FNDC3B: variants seen among roughly 807,000 people sequenced by gnomAD.
The protein encoded by FNDC3B is fibronectin type III domain containing 3B, also known as fibronectin type III domain-containing protein 3B.
A neutral mutation model predicts 151.5 loss-of-function variants in FNDC3B; 12 were observed. The ratio of observed to expected loss-of-function variants is 0.08; its 90% CI spans 0.05 to 0.13. FNDC3B has a LOEUF of 0.13. FNDC3B is among the 10% of genes least tolerant of loss of function. FNDC3B has a pLI of 1.00. For synonymous variants in FNDC3B, 528 were observed against 549.0 expected, an observed-to-expected ratio of 0.96 and a Z score of 0.54; for missense variants, 1,214 against 1,505.3, an observed-to-expected ratio of 0.81 and a Z score of 3.20.
chr3:172,327,217 C>T (rs1732400582), intron 11 of FNDC3B, among the ~76,000 whole-genome samples: 1 of 152,198 alleles, frequency 6.6e-6, no homozygotes, highest in Non-Finnish European at 1.5e-5. Context: ...ACTTGCTGCA[C>T]ACCCCCAACT....
chr3:172,182,207 G>T (rs1220880513), intron 3 of FNDC3B, among the ~76,000 whole-genome samples: 1 of 152,198 alleles, frequency 6.6e-6, no homozygotes, highest in Non-Finnish European at 1.5e-5. Context: ...GCAAGTGAAG[G>T]CTGGGCTCAG....
intron 1 of FNDC3B, among the ~76,000 whole-genome samples, chr3:172,104,376 T>C (rs937542802): frequency 6.6e-6 from 1 of 151,530 alleles, no homozygotes. Flanking sequence ...TTTCCAATAC[T>C]CAGTGCTGGA....
chr3:172,349,780 C>T (rs572808650), intron 21 of FNDC3B, among the ~76,000 whole-genome samples: 5 of 152,216 alleles, frequency 3.3e-5, no homozygotes, highest in African/African-American at 7.2e-5. Context: ...CTCAGCCTCC[C>T]GAGTAGCCGG....
chr3:172,389,451 A>G (rs1735891432), intron 25 of FNDC3B, among the ~76,000 whole-genome samples: 1 of 152,252 alleles, frequency 6.6e-6, no homozygotes, highest in Non-Finnish European at 1.5e-5. Context: ...TCACATTTAC[A>G]TATTTATACA....
At chr3:172,116,035 C>T (rs1218895421) in intron 2 of FNDC3B, among the ~76,000 whole-genome samples, 1 of 152,168 alleles carries the variant, frequency 6.6e-6, no homozygotes, top group African/African-American at 2.4e-5. Context: ...AAATAAGACA[C>T]ACTGTTAATT....
chr3:172,328,381 G>A (rs1235948844), intron 11 of FNDC3B, among the ~76,000 whole-genome samples: 3 of 152,218 alleles, frequency 2.0e-5, no homozygotes, highest in African/African-American at 7.2e-5. Context: ...GCAGCAATCA[G>A]TGAAGAAACA....
intron 23 of FNDC3B, among the ~76,000 whole-genome samples, chr3:172,365,679 A>G (rs993215433): frequency 6.6e-6 from 1 of 152,212 alleles, no homozygotes; most frequent in African/African-American, 2.4e-5. Flanking sequence ...TTTATGAAGG[A>G]AGCAGCCTTA....
chr3:172,294,828 A>G (rs1372952647), intron 7 of FNDC3B, among the ~76,000 whole-genome samples: 1 of 152,250 alleles, frequency 6.6e-6, no homozygotes, highest in Non-Finnish European at 1.5e-5. Context: ...CAAAAGTATG[A>G]AAGCAGAGCT....
chr3:172,229,342 C>T (rs1382788627), intron 4 of FNDC3B, among the ~76,000 whole-genome samples: 1 of 152,170 alleles, frequency 6.6e-6, no homozygotes, highest in Non-Finnish European at 1.5e-5. Context: ...CCCTGCTTAC[C>T]TCTCAAGAGG....
chr3:172,310,550 A>G (rs547311223), intron 10 of FNDC3B, among the ~76,000 whole-genome samples: 2 of 152,334 alleles, frequency 1.3e-5, no homozygotes, highest in East Asian at 1.9e-4. Context: ...GAAGTAGCGT[A>G]CCATGAGGGT....
intron 3 of FNDC3B, among the ~76,000 whole-genome samples, chr3:172,222,697 C>A (rs1362935387): frequency 1.3e-5 from 2 of 152,158 alleles, no homozygotes; most frequent in African/African-American, 4.8e-5. Flanking sequence ...CGCTGCCGAT[C>A]TGACAGGAGG....
chr3:172,343,062 C>T lies in FNDC3B; in HGVS notation c.2023C>T (p.Arg675Ter). The change falls in exon 18 of 26, where the codon CGA (arginine) becomes TGA (stop). Residue 675 changes from arginine (R) to a stop codon, truncating the protein, a stop_gained. Coordinates refer to ENST00000415807, the MANE Select transcript of FNDC3B (RefSeq NM_022763.4). LOFTEE classifies it high-confidence loss of function. ...ACTAAGCATTGCACCAGGTCAATGT[C>T]GACCACCGAGGGTTTTGGGTAGACC... ...RTLSIAPGQCRPPRVLGRPKH... is the reference protein window; with the variant it reads ...RTLSIAPGQC The T allele has an allele frequency of 6.2e-7, 1 of 1,613,448 alleles. No individual in the cohort carries two copies. Among genetic ancestry groups the T allele is most frequent in the Non-Finnish European group, 8.5e-7 (1 of 1,179,570 alleles).
At chr3:172,316,435 AC>A (rs1731792493) in intron 11 of FNDC3B, 2 of 455,790 alleles carry the variant, frequency 4.4e-6, no homozygotes, top group African/African-American at 4.0e-5. Context: ...AAAACTAGGA[AC>A]CTCTGGGTTG....
chr3:172,377,768 G>T (rs1735230105), intron 23 of FNDC3B, among the ~76,000 whole-genome samples: 1 of 152,132 alleles, frequency 6.6e-6, no homozygotes, highest in Non-Finnish European at 1.5e-5. Context: ...GTTGAGGAAT[G>T]GGGCTTTGAA....
intron 13 of FNDC3B, among the ~76,000 whole-genome samples, chr3:172,331,370 G>A (rs1732650950): frequency 6.6e-6 from 1 of 151,874 alleles, no homozygotes; most frequent in Non-Finnish European, 1.5e-5. Context: ...GTTTTGTTTT[G>A]TTTTTGAGAT....
intron 3 of FNDC3B, among the ~76,000 whole-genome samples, chr3:172,156,532 A>G (rs1392233936): frequency 6.6e-6 from 1 of 152,178 alleles, no homozygotes; most frequent in Non-Finnish European, 1.5e-5. Flanking sequence ...TGGCACAGGA[A>G]TTTCCGTTGC....
intron 1 of FNDC3B, among the ~76,000 whole-genome samples, chr3:172,093,168 G>C (rs1718924256): frequency 6.6e-6 from 1 of 151,636 alleles, no homozygotes; most frequent in Non-Finnish European, 1.5e-5. Flanking sequence ...AGGGTGAAGT[G>C]CAGGGGCATA....
At chr3:172,106,366 CT>C (rs1719643727) in intron 1 of FNDC3B, among the ~76,000 whole-genome samples, 1 of 152,168 alleles carries the variant, frequency 6.6e-6, no homozygotes, top group Admixed American at 6.5e-5. Flanking sequence ...CATTAGGGTG[CT>C]GGTGAAGTGG....
intron 3 of FNDC3B, among the ~76,000 whole-genome samples, chr3:172,196,010 T>TAA (rs1052141895): frequency 3.3e-5 from 5 of 152,224 alleles, no homozygotes; most frequent in Non-Finnish European, 5.9e-5. Flanking sequence ...TGAGCCTTTG[T>TAA]AAATGTACAA....
Sources: allele counts gnomAD v4.1 joint callset (sites outside exome capture counted in the v4.1 genomes callset), GRCh38; gene constraint gnomAD v4.1.1; transcripts MANE v1.5; gene names NCBI Gene and HGNC (gene_info 2026-07-23, HGNC 2026-07-21).